PALM2AKAP2: variants seen among roughly 807,000 people sequenced by gnomAD.
PALM2AKAP2 encodes PALM2 and AKAP2 fusion.
Under a neutral mutation model 71.5 loss-of-function variants are expected in PALM2AKAP2, and 37 were observed. That is an observed-to-expected ratio of 0.52 (90% confidence interval 0.40 to 0.68). The LOEUF is 0.68. PALM2AKAP2 is among the 30% of genes least tolerant of loss of function. The pLI is 0.00. For missense variants in PALM2AKAP2, 1,224 were observed against 1,191.8 expected, an observed-to-expected ratio of 1.03 and a Z score of -0.40; for synonymous variants, 468 against 478.8, an observed-to-expected ratio of 0.98 and a Z score of 0.29.
intron 1 of PALM2AKAP2, among the ~76,000 whole-genome samples, chr9:109,782,661 G>A (rs1260594007): frequency 6.6e-6 from 1 of 151,950 alleles, no homozygotes; most frequent in African/African-American, 2.4e-5. Flanking sequence ...TATCCAAGGG[G>A]GTCCTGAAAC....
At chr9:109,683,075 C>G (rs1375532876) in intron 1 of PALM2AKAP2, among the ~76,000 whole-genome samples, 3 of 152,080 alleles carry the variant, frequency 2.0e-5, no homozygotes, top group Non-Finnish European at 4.4e-5. Context: ...AAAAGTGTGG[C>G]ACCTCCCCTC....
chr9:109,998,308 T>C (rs2132264327), intron 6 of PALM2AKAP2, among the ~76,000 whole-genome samples: 1 of 152,268 alleles, frequency 6.6e-6, no homozygotes, highest in East Asian at 1.9e-4. Flanking sequence ...ACTCAGAGCC[T>C]TGTATCTCTC....
chr9:109,791,976 T>C (rs1827122669), intron 1 of PALM2AKAP2, among the ~76,000 whole-genome samples: 1 of 152,214 alleles, frequency 6.6e-6, no homozygotes, highest in African/African-American at 2.4e-5. Context: ...ACCCCCAGCC[T>C]GGGCCACCAG....
At chr9:109,909,316 T>G (rs1670173436) in intron 3 of PALM2AKAP2, among the ~76,000 whole-genome samples, 1 of 152,220 alleles carries the variant, frequency 6.6e-6, no homozygotes, top group African/African-American at 2.4e-5. Flanking sequence ...TTGTTTTTAC[T>G]AAGTCCAGGA....
intron 1 of PALM2AKAP2, among the ~76,000 whole-genome samples, chr9:109,678,064 T>G (rs1827673994): frequency 6.6e-6 from 1 of 152,178 alleles, no homozygotes; most frequent in Non-Finnish European, 1.5e-5. Flanking sequence ...GGTTACAAGA[T>G]TCAGAATGTC....
chr9:110,005,269 G>A (rs1832756232), intron 6 of PALM2AKAP2, among the ~76,000 whole-genome samples: 1 of 152,242 alleles, frequency 6.6e-6, no homozygotes, highest in Non-Finnish European at 1.5e-5. Flanking sequence ...CTGCAGGTCT[G>A]TTGGAGTTTG....
At chr9:110,044,391 G>A (rs1197857310), upstream of PALM2AKAP2, among the ~76,000 whole-genome samples, 20 of 114,180 alleles carry the variant, frequency 1.8e-4, no homozygotes, top group African/African-American at 3.1e-4. Context: ...TCCCTCTGTC[G>A]CCCAGGCTGA....
chr9:110,031,589 C>A (rs908143935), intron 7 of PALM2AKAP2, among the ~76,000 whole-genome samples: 3 of 152,152 alleles, frequency 2.0e-5, no homozygotes, highest in African/African-American at 7.2e-5. Context: ...CTTACCACAA[C>A]CCTATGAGGT....
chr9:109,974,083 T>G (rs1461704216), intron 6 of PALM2AKAP2, among the ~76,000 whole-genome samples: 1 of 152,170 alleles, frequency 6.6e-6, no homozygotes, highest in Non-Finnish European at 1.5e-5. Flanking sequence ...ATGAGGGAGA[T>G]GCAGACTAAA....
chr9:110,065,778 A>G (rs1265666459), intron 1 of PALM2AKAP2, among the ~76,000 whole-genome samples: 1 of 152,208 alleles, frequency 6.6e-6, no homozygotes, highest in East Asian at 1.9e-4. Flanking sequence ...TGTCTACTCT[A>G]GTAACCTCAT....
intron 1 of PALM2AKAP2, among the ~76,000 whole-genome samples, chr9:109,706,475 G>GC (rs1828146801): frequency 6.6e-6 from 1 of 152,124 alleles, no homozygotes. Flanking sequence ...AAGTGGTGCA[G>GC]CCACTTTGGA....
intron 1 of PALM2AKAP2, among the ~76,000 whole-genome samples, chr9:110,062,649 A>G (rs764833583): frequency 6.6e-6 from 1 of 152,210 alleles, no homozygotes; most frequent in Non-Finnish European, 1.5e-5. Context: ...ACACCTATCT[A>G]CAATGGTTTC....
intron 1 of PALM2AKAP2, among the ~76,000 whole-genome samples, chr9:109,690,155 AC>A (rs960513471): frequency 3.3e-4 from 51 of 152,324 alleles, no homozygotes; most frequent in African/African-American, 1.1e-3. Flanking sequence ...CATACCAGCC[AC>A]TGCTCACCAG....
chr9:109,900,998 A>G (rs564250599), intron 3 of PALM2AKAP2, among the ~76,000 whole-genome samples: 1 of 152,348 alleles, frequency 6.6e-6, no homozygotes, highest in East Asian at 1.9e-4. Context: ...TAGGAAATGA[A>G]CTACGAAGCC....
intron 1 of PALM2AKAP2, among the ~76,000 whole-genome samples, chr9:109,789,065 T>C (rs1827039679): frequency 6.6e-6 from 1 of 152,262 alleles, no homozygotes; most frequent in South Asian, 2.1e-4. Flanking sequence ...TTGGAAGGTT[T>C]GCCCAGGATT....
Position 109,993,288 on chromosome 9 carries a change from C to T in PALM2AKAP2, c.497-22666C>T, listed in dbSNP as rs148608945. ...CCAGCTTTGCCTTCCTCTCTGTGGG[C>T]TTTCTCTTCTGCATAGTGTTTCCAC... On this transcript the variant is annotated intron_variant, in intron 6 of 9. Transcript: ENST00000302798. Among the ~76,000 whole-genome samples the T allele has an allele frequency of 3.3e-5, 5 of 152,062 alleles. No individual in the cohort carries two copies. In the East Asian group the frequency reaches 9.7e-4, roughly 29 times the overall value.
chr9:110,034,234 C>G (rs1239290899), intron 7 of PALM2AKAP2, among the ~76,000 whole-genome samples: 1 of 151,742 alleles, frequency 6.6e-6, no homozygotes, highest in Non-Finnish European at 1.5e-5. Context: ...CTTGGCTCAC[C>G]ACAACCTCTG....
chr9:110,158,529 A>C (rs980845935), intron 3 of PALM2AKAP2, among the ~76,000 whole-genome samples: 1 of 152,194 alleles, frequency 6.6e-6, no homozygotes, highest in African/African-American at 2.4e-5. Flanking sequence ...AGAGGGCTGG[A>C]AGCTCTTTTG....
chr9:109,741,650 G>A (rs1828717402), intron 1 of PALM2AKAP2, among the ~76,000 whole-genome samples: 1 of 152,120 alleles, frequency 6.6e-6, no homozygotes, highest in Admixed American at 6.5e-5. Context: ...GTTTGTTTTT[G>A]TTCTAATCAT....
Sources: gnomAD v4.1 joint callset for allele counts (sites outside exome capture counted in the v4.1 genomes callset) on GRCh38, gnomAD v4.1.1 for gene constraint, MANE v1.5 for transcripts, NCBI Gene and HGNC (gene_info 2026-07-23, HGNC 2026-07-21) for gene names.